ILDR2: variants seen among roughly 807,000 people sequenced by gnomAD.
ILDR2 encodes immunoglobulin like domain containing receptor 2.
ILDR2 carries 25 observed loss-of-function variants against 66.8 expected under a neutral mutation model. That is an observed-to-expected ratio of 0.37 (90% CI 0.27 to 0.52). The LOEUF (loss-of-function observed/expected upper bound fraction) is 0.52, where lower values mean the gene tolerates loss of function less well. Ranked by LOEUF, ILDR2 falls within the 20% of genes least tolerant of loss-of-function variation. The probability of loss-of-function intolerance (pLI) is 0.88; values close to 1 mark genes in which losing one functional copy is unlikely to be tolerated. For synonymous variants in ILDR2, 367 were observed against 357.2 expected, an observed-to-expected ratio of 1.03 and a Z score of -0.31; for missense variants, 827 against 876.8, an observed-to-expected ratio of 0.94 and a Z score of 0.72.
rs1406464882 is a variant in ILDR2, at chr1:166,956,488, A to C, written c.499+245T>G. On this transcript the variant is annotated intron_variant, in intron 3 of 9. Transcript: ENST00000271417. ...AGAAAGGAGAGAAAAAAATGAAGAA[A>C]GCAGAAGAAATATTCAGGACAATGA... Among the ~76,000 whole-genome samples the C allele has an allele frequency of 3.3e-5, 5 of 149,458 alleles. No homozygotes were observed. The Admixed American group carries it at 3.4e-4, about 10-fold the overall frequency.
At chr1:166,953,490 T>G (rs1367488362) in intron 3 of ILDR2, among the ~76,000 whole-genome samples, 1 of 152,206 alleles carries the variant, frequency 6.6e-6, no homozygotes, top group African/African-American at 2.4e-5. Flanking sequence ...TCAACCTGTT[T>G]TCTGCTCCCC....
chr1:166,958,758 T>A (rs1275037372), intron 1 of ILDR2, among the ~76,000 whole-genome samples: 1 of 152,180 alleles, frequency 6.6e-6, no homozygotes, highest in Non-Finnish European at 1.5e-5. Flanking sequence ...TTCCTTAGAC[T>A]CTCTTCATTT....
rs1662376528 is a variant in ILDR2 at position 166,957,908 on chromosome 1, G to A, written c.240C>T (p.Leu80=). 2 of 1,614,070 alleles carry A rather than the reference G, an allele frequency of 1.2e-6. No individual in the cohort carries two copies. Among genetic ancestry groups the A allele is most frequent in the South Asian group, 2.2e-5 (2 of 91,094 alleles). ...GGTCCCATTCCAGGTTTCTCTTGCT[G>A]AGAGATTGGGCCCGGGTAGAGGACA... ...LGMSSTRAQS[L]SKRNLEWDPY... The change falls in exon 2 of 10, where the codon CTC becomes CTT. Residue 80 remains leucine (L), a synonymous_variant. Coordinates refer to ENST00000271417, the MANE Select transcript of ILDR2 (RefSeq NM_199351.3).
rs1278464898 is a variant in ILDR2, at chr1:166,936,423, A to G, written c.703+168T>C. On this transcript the variant is annotated intron_variant, in intron 5 of 9. Coordinates refer to ENST00000271417, the MANE Select transcript of ILDR2 (RefSeq NM_199351.3). This position sits in a 1 kb window ranked among gnomAD's most constrained non-coding sequence, Gnocchi z 5.0. Reference sequence around the variant, plus strand: ...TATGTAGGTGAAAAGGCAAATGAGAATGGTCATCCCTGAGGCCAGGGGCAC... The same window carrying G: ...TATGTAGGTGAAAAGGCAAATGAGAGTGGTCATCCCTGAGGCCAGGGGCAC... Among the ~76,000 whole-genome samples the G allele has an allele frequency of 2.0e-5, 3 of 152,180 alleles. No individual in the cohort carries two copies. The highest frequency in any genetic ancestry group is 2.1e-4 in the South Asian group (1 of 4,820).
rs532806706 is a variant in ILDR2 at position 166,930,711 on chromosome 1, T to C, written c.881-3531A>G. ...CATTATGGATCAATCTTATACTGCC[T>C]TGTATTACTTACTCATTTTATTTCC... On this transcript the variant is annotated intron_variant, in intron 6 of 9. Coordinates refer to ENST00000271417, the MANE Select transcript of ILDR2 (RefSeq NM_199351.3). 3.9e-5 allele frequency among the ~76,000 whole-genome samples: 6 copies of C among 152,298 alleles called. No homozygotes were observed. The East Asian group carries it at 7.7e-4, about 20-fold the overall frequency.
intron 2 of ILDR2, 99 bp downstream of exon 2, chr1:166,957,670 G>C: frequency 9.7e-7 from 1 of 1,034,836 alleles, no homozygotes; most frequent in Non-Finnish European, 1.4e-6. Flanking sequence ...GGGTCTGAAA[G>C]GGTGAGAGGC....
At chr1:166,906,178 A>G (rs1407162901), downstream of ILDR2, among the ~76,000 whole-genome samples, 1 of 152,226 alleles carries the variant, frequency 6.6e-6, no homozygotes, top group East Asian at 1.9e-4. Context: ...AGTTAAGCTC[A>G]CACTACAAGA....
rs1661005285 is a variant in ILDR2 at position 166,936,749 on chromosome 1, C to T, written c.557-12G>A. The T allele has an allele frequency of 6.2e-7, 1 of 1,612,906 alleles. No individual in the cohort carries two copies. The highest frequency in any genetic ancestry group is 1.7e-5 in the Admixed American group (1 of 59,988). On this transcript the variant is annotated splice_polypyrimidine_tract_variant and intron_variant, in intron 4 of 9. Transcript: ENST00000271417. This position sits in a 1 kb window ranked among gnomAD's most constrained non-coding sequence, Gnocchi z 5.0. Reference sequence around the variant, plus strand: ...AACAAACACCCACTCTGGAAGGATGCACAAAGAAATCCACACTCGAGGCAG... The same window carrying T: ...AACAAACACCCACTCTGGAAGGATGTACAAAGAAATCCACACTCGAGGCAG...
intron 1 of ILDR2, among the ~76,000 whole-genome samples, chr1:166,965,570 G>GTTTTTTTTTTT (rs535388259): frequency 3.1e-5 from 4 of 127,402 alleles, no homozygotes; most frequent in Non-Finnish European, 6.5e-5. Context: ...GTTAGGTTTT[G>GTTTTTTTTTTT]TTTTTTTTTT....
Position 166,909,798 on chromosome 1 carries a change from T to TATAC in ILDR2, c.*9556_*9557insGTAT, listed in dbSNP as rs1659436252. ...ATATATATTTATATATATATATATA[T>TATAC]ATATATATCCTTCTAGCTTTGCTCT... On this transcript the variant is annotated 3_prime_UTR_variant, in exon 10 of 10. Transcript: ENST00000271417. The TATAC allele has an allele frequency of 1.5e-5, 2 of 136,050 alleles. No individual in the cohort carries two copies. Among genetic ancestry groups the TATAC allele is most frequent in the Non-Finnish European group, 3.1e-5 (2 of 64,550 alleles). The allele number at this position is 136,050 out of a possible 1,614,324, so 8.4% of individuals were successfully genotyped here. A position where few individuals can be genotyped will look rare whatever the true frequency, so the allele number is the denominator to read the frequency against.
chr1:166,898,190 A>G (rs922993536), intron 2 of ILDR2, among the ~76,000 whole-genome samples: 1 of 152,202 alleles, frequency 6.6e-6, no homozygotes, highest in African/African-American at 2.4e-5. Context: ...TGAGGAGTCT[A>G]TGGTCTTCAG....
At chr1:166,955,507 G>A (rs1477818958) in intron 3 of ILDR2, among the ~76,000 whole-genome samples, 1 of 152,136 alleles carries the variant, frequency 6.6e-6, no homozygotes, top group Non-Finnish European at 1.5e-5. Flanking sequence ...CTACTTGGAG[G>A]CACGAGAGTC....
At chr1:166,926,208 GA>G (rs1282360572) in intron 7 of ILDR2, among the ~76,000 whole-genome samples, 2 of 152,126 alleles carry the variant, frequency 1.3e-5, no homozygotes, top group Non-Finnish European at 2.9e-5. Flanking sequence ...AGGGTAAAGA[GA>G]CAGCATAATG....
chr1:166,905,843 C>G (rs1320183403), downstream of ILDR2, among the ~76,000 whole-genome samples: 1 of 152,168 alleles, frequency 6.6e-6, no homozygotes, highest in Admixed American at 6.5e-5. Flanking sequence ...ATTCCAAAAT[C>G]TGTGGCCATA....
Position 166,922,739 on chromosome 1 carries a change from C to G in ILDR2, c.1065G>C (p.Gln355His), listed in dbSNP as rs367665949. 5.5e-5 allele frequency: 88 copies of G among 1,614,140 alleles called. No individual in the cohort carries two copies. Among genetic ancestry groups the G allele is most frequent in the Non-Finnish European group, 7.2e-5 (85 of 1,180,058 alleles). The change falls in exon 8 of 10, where the codon CAG (glutamine) becomes CAC (histidine). Residue 355 changes from glutamine (Q) to histidine (H), a missense_variant. This residue lies in a region of ILDR2 where 437 missense variants were observed against 523.2 expected (regional missense o/e 0.84). Transcript: ENST00000271417. ...EDSNFRQSFHQMRSKQFPVSG... is the reference protein window; with the variant it reads ...EDSNFRQSFHHMRSKQFPVSG... ...ACACAGGGAACTGCTTGCTTCTCATCTGATGGAAAGACTGGCGGAAATTGC... is the reference window on the plus strand; with the variant it reads ...ACACAGGGAACTGCTTGCTTCTCATGTGATGGAAAGACTGGCGGAAATTGC...
Position 166,910,822 on chromosome 1 carries a change from G to T in ILDR2, c.*8533C>A, listed in dbSNP as rs1293281034. The T allele has an allele frequency of 1.3e-5, 2 of 152,176 alleles. No homozygotes were observed. The highest frequency in any genetic ancestry group is 2.9e-5 in the Non-Finnish European group (2 of 68,036). The allele number at this position is 152,176 out of a possible 1,614,324, so 9.4% of individuals were successfully genotyped here. A position where few individuals can be genotyped will look rare whatever the true frequency, so the allele number is the denominator to read the frequency against. On this transcript the variant is annotated 3_prime_UTR_variant, in exon 10 of 10. Coordinates refer to ENST00000271417, the MANE Select transcript of ILDR2 (RefSeq NM_199351.3). The stretch of plus-strand genomic sequence containing the variant: ...ATGAAAGCATATAAAAATTGGATTA[G>T]AATTAGATAATCATAGGGAAAAATG...
chr1:166,946,926 C>T (rs1661644106), intron 3 of ILDR2, among the ~76,000 whole-genome samples: 1 of 152,166 alleles, frequency 6.6e-6, no homozygotes, highest in African/African-American at 2.4e-5. Flanking sequence ...AAATTTTCAG[C>T]ACCTTTTAAA....
chr1:166,946,645 G>C (rs1391417700), intron 3 of ILDR2, among the ~76,000 whole-genome samples: 1 of 152,124 alleles, frequency 6.6e-6, no homozygotes, highest in Non-Finnish European at 1.5e-5. Flanking sequence ...GGCTCTGAGA[G>C]GTTAAGAATC....
chr1:166,904,124 C>T (rs186110072), downstream of ILDR2, among the ~76,000 whole-genome samples: 31 of 152,300 alleles, frequency 2.0e-4, no homozygotes, highest in East Asian at 5.6e-3. Context: ...ATTGTATAGA[C>T]ATAATTAGTG....
Sources: allele counts gnomAD v4.1 joint callset (sites outside exome capture counted in the v4.1 genomes callset), GRCh38; gene constraint gnomAD v4.1.1; regional missense constraint gnomAD v4.1.1; non-coding constraint Gnocchi (gnomAD v3.1); transcripts MANE v1.5; gene names NCBI Gene and HGNC (gene_info 2026-07-23, HGNC 2026-07-21).